TRMT10B: variants seen among roughly 807,000 people sequenced by gnomAD.
The protein encoded by TRMT10B is tRNA methyltransferase 10B, also known as tRNA methyltransferase 10 homolog B.
A neutral mutation model predicts 43.8 loss-of-function variants in TRMT10B; 33 were observed. That is an observed-to-expected ratio of 0.75 (90% CI 0.57 to 1.01). The LOEUF (loss-of-function observed/expected upper bound fraction) is 1.01. Ranked by LOEUF, TRMT10B falls within the 50% of genes least tolerant of loss-of-function variation. The pLI, the probability that TRMT10B is intolerant of heterozygous loss-of-function variation, is 0.00. For synonymous variants in TRMT10B, 137 were observed against 130.6 expected (o/e 1.05, Z -0.34); for missense variants, 362 against 369.8 (o/e 0.98, Z 0.17).
intron 2 of TRMT10B, among the ~76,000 whole-genome samples, 170 bp downstream of exon 2, chr9:37,762,287 T>C (rs987932915): frequency 6.6e-6 from 1 of 152,172 alleles, no homozygotes; most frequent in African/African-American, 2.4e-5. Flanking sequence ...ATTTGAGTCA[T>C]AGGAAAAGTT....
In TRMT10B at chr9:37,768,136, A is replaced by G; in HGVS notation, c.481A>G (p.Arg161Gly). Reference protein sequence around the residue: ...RLYGSNKKADRPFWICLTGFT... With the variant: ...RLYGSNKKADGPFWICLTGFT... ...GTATGGTTCAAACAAAAAAGCTGACAGGCCATTTTGGATCTGCCTCACTGG... is the reference window on the plus strand; with the variant it reads ...GTATGGTTCAAACAAAAAAGCTGACGGGCCATTTTGGATCTGCCTCACTGG... Residue 161 changes from arginine to glycine, a missense_variant, in exon 5 of 9, where the codon AGG (arginine) becomes GGG (glycine). Physicochemically the swap from Arg to Gly is moderately radical, Grantham distance 125 (BLOSUM62 -2). Transcript: ENST00000297994. 6.2e-7 allele frequency: 1 copy of G among 1,614,182 alleles called. No individual in the cohort carries two copies. Among genetic ancestry groups the G allele is most frequent in the Non-Finnish European group, 8.5e-7 (1 of 1,180,014 alleles).
At chr9:37,756,778 A>T (rs1825745580) in intron 1 of TRMT10B, among the ~76,000 whole-genome samples, 1 of 150,524 alleles carries the variant, frequency 6.6e-6, no homozygotes, top group Non-Finnish European at 1.5e-5. Flanking sequence ...ATATATACAT[A>T]TGTGTATACA....
rs201813489 is a variant in TRMT10B at position 37,763,642 on chromosome 9, G to A, written c.309G>A (p.Gln103=). The A allele has an allele frequency of 1.5e-5, 25 of 1,613,892 alleles. No individual in the cohort carries two copies. Among genetic ancestry groups the A allele is most frequent in the Middle Eastern group, 3.3e-4 (2 of 6,080 alleles). Residue 103 remains glutamine, a synonymous_variant, in exon 4 of 9, where the codon CAG becomes CAA. Transcript: ENST00000297994. ...NRAENPGICP[Q]HSKRFLRALT... The stretch of plus-strand genomic sequence containing the variant: ...TTTCTGCTTTAGGCATTTGCCCCCA[G>A]CACAGCAAACGTTTCCTGAGAGCTC...
At chr9:37,774,576 C>T (rs1827934262) in intron 7 of TRMT10B, among the ~76,000 whole-genome samples, 1 of 152,074 alleles carries the variant, frequency 6.6e-6, no homozygotes, top group Non-Finnish European at 1.5e-5. Flanking sequence ...AGGGCAACAC[C>T]CAAATATCCT....
At chr9:37,760,070 A>G (rs1315095365) in intron 1 of TRMT10B, among the ~76,000 whole-genome samples, 1 of 152,214 alleles carries the variant, frequency 6.6e-6, no homozygotes. Context: ...TCACACATGT[A>G]ATCCCAGCAC....
chr9:37,763,587 C>T, intron 3 of TRMT10B, 42 bp from the exon 4 acceptor site: 1 of 1,571,054 alleles, frequency 6.4e-7, no homozygotes, highest in South Asian at 1.1e-5. Context: ...TAATATTCCT[C>T]TGGTTTTCCA....
intron 3 of TRMT10B, among the ~76,000 whole-genome samples, chr9:37,763,166 C>CA (rs1162647212): frequency 2.5e-4 from 29 of 113,768 alleles, no homozygotes; most frequent in African/African-American, 5.8e-4. Flanking sequence ...AAAAAAAAAA[C>CA]AAAAAAAAAA....
rs1589032235 is a variant in TRMT10B at position 37,768,367 on chromosome 9, TAAATTTAAAA to T, written c.573+140_573+149del. The stretch of plus-strand genomic sequence containing the variant: ...AAATTCAGAACCTCTCATAAGTTCT[TAAATTTAAAA>T]TTTTTTCTCATCCTCCTACTGCATT... On this transcript the variant is annotated intron_variant, in intron 5 of 8. Transcript: ENST00000297994. 4 of 982,722 alleles carry T rather than the reference TAAATTTAAAA, an allele frequency of 4.1e-6. No homozygotes were observed. The East Asian group carries it at 1.1e-4, about 26-fold the overall frequency. The allele number at this position is 982,722 out of a possible 1,614,324, so 60.9% of individuals were successfully genotyped here.
upstream of TRMT10B, among the ~76,000 whole-genome samples, chr9:37,752,908 C>T (rs576215167): frequency 2.3e-4 from 35 of 152,290 alleles, no homozygotes; most frequent in South Asian, 4.2e-4. Context: ...AGCGGCAACC[C>T]GTTGGGGTTG....
At chr9:37,753,882 C>CT (rs1825264201) in intron 1 of TRMT10B, 30 bp downstream of exon 1, 2 of 152,340 alleles carry the variant, frequency 1.3e-5, no homozygotes, top group African/African-American at 4.8e-5. Context: ...AGGGGGCTGG[C>CT]TGGGGGCTGC....
upstream of TRMT10B, among the ~76,000 whole-genome samples, chr9:37,753,115 C>T (rs965232750): frequency 2.6e-5 from 4 of 151,354 alleles, no homozygotes; most frequent in Non-Finnish European, 5.9e-5. Flanking sequence ...AGAGATTTAA[C>T]ACTCATTGCG....
At chr9:37,755,716 C>T (rs1825586116) in intron 1 of TRMT10B, among the ~76,000 whole-genome samples, 1 of 152,142 alleles carries the variant, frequency 6.6e-6, no homozygotes, top group South Asian at 2.1e-4. Context: ...TCCCAAATTC[C>T]TGGTTTAAGA....
chr9:37,759,840 A>G (rs73447229), intron 1 of TRMT10B, among the ~76,000 whole-genome samples: 2,692 of 152,280 alleles, frequency 0.018, 77 homozygotes, highest in African/African-American at 0.061. Context: ...TTCTGCGGTG[A>G]TGGAAACGTT....
chr9:37,777,194 CAAAAAAAAAAAAAAAAAAA>C (rs11306620), intron 8 of TRMT10B, among the ~76,000 whole-genome samples: 581 of 30,000 alleles, frequency 0.019, 22 homozygotes, highest in African/African-American at 0.065. Context: ...AACTCCGCCT[CAAAAAAAAAAAAAAAAAAA>C]AAAAAAAAAA....
chr9:37,758,780 G>A (rs1563985333), intron 1 of TRMT10B, among the ~76,000 whole-genome samples: 1 of 152,308 alleles, frequency 6.6e-6, no homozygotes, highest in African/African-American at 2.4e-5. Flanking sequence ...GTATTGGGCA[G>A]TAGTCAGGAC....
intron 2 of TRMT10B, 61 bp from the exon 3 acceptor site, chr9:37,762,516 C>T (rs1826462033): frequency 1.3e-6 from 2 of 1,518,414 alleles, no homozygotes; most frequent in Non-Finnish European, 1.8e-6. Context: ...TTCTAATGTT[C>T]ATTTTCCTTT....
chr9:37,763,798 G>C (rs373252673), intron 4 of TRMT10B, 45 bp downstream of exon 4: 15 of 1,612,370 alleles, frequency 9.3e-6, no homozygotes, highest in Non-Finnish European at 1.3e-5. Flanking sequence ...CCATGAGGGA[G>C]GCCCAGAAGG....
Position 37,776,393 on chromosome 9 carries a change from G to A in TRMT10B, c.832G>A (p.Ala278Thr). The change falls in exon 8 of 9, where the codon GCC (alanine) becomes ACC (threonine). Residue 278 changes from alanine (A) to threonine (T), a missense_variant. By Grantham distance (58) the Ala-to-Thr change is moderately conservative. Coordinates refer to ENST00000297994, the MANE Select transcript of TRMT10B (RefSeq NM_144964.4). ...GAAAAACTATCATTCAGAGATACTG[G>A]CCATCAATCAAGGTACTTCTTACAC... ...NGKNYHSEIL[A>T]INQVFDILST... 6.2e-7 allele frequency: 1 copy of A among 1,608,714 alleles called. No homozygotes were observed. Among genetic ancestry groups the A allele is most frequent in the Non-Finnish European group, 8.5e-7 (1 of 1,178,146 alleles).
intron 7 of TRMT10B, among the ~76,000 whole-genome samples, chr9:37,773,223 T>C (rs1827773878): frequency 6.6e-6 from 1 of 152,174 alleles, no homozygotes; most frequent in Admixed American, 6.5e-5. Context: ...TCCTTGCGCC[T>C]CAGCCTCCTG....
Sources: gnomAD v4.1 joint callset for allele counts (sites outside exome capture counted in the v4.1 genomes callset) on GRCh38, gnomAD v4.1.1 for gene constraint, MANE v1.5 for transcripts, NCBI Gene and HGNC (gene_info 2026-07-23, HGNC 2026-07-21) for gene names.